The following MLLT10 variants were observed in gnomAD, a reference collection of about 807,000 sequenced individuals.
The protein encoded by MLLT10 is MLLT10 histone lysine methyltransferase DOT1L cofactor, also known as protein AF-10.
In MLLT10, 30 loss-of-function variants were observed where a neutral mutation model predicts 129.1. That is an observed-to-expected ratio of 0.23 (90% CI 0.17 to 0.32). The LOEUF (loss-of-function observed/expected upper bound fraction) is 0.32. Ranked by LOEUF, MLLT10 falls within the 10% of genes least tolerant of loss-of-function variation. The pLI is 1.00. For missense variants in MLLT10, 1,119 were observed against 1,268.3 expected (o/e 0.88, Z 1.79); for synonymous variants, 490 against 446.4 (o/e 1.10, Z -1.23).
At chr10:21,652,615 A>T (rs2049156514) in intron 9 of MLLT10, among the ~76,000 whole-genome samples, 1 of 152,192 alleles carries the variant, frequency 6.6e-6, no homozygotes, top group Admixed American at 6.5e-5. Flanking sequence ...GTAGGAGATG[A>T]GTCTAGGGTG....
intron 3 of MLLT10, among the ~76,000 whole-genome samples, chr10:21,563,790 T>A (rs2039164498): frequency 7.1e-6 from 1 of 141,148 alleles, no homozygotes; most frequent in Non-Finnish European, 1.5e-5. Context: ...TCTCACTGTG[T>A]GTATTATTAT....
intron 13 of MLLT10, among the ~76,000 whole-genome samples, chr10:21,691,192 T>C (rs767802170): frequency 6.6e-6 from 1 of 152,180 alleles, no homozygotes; most frequent in Non-Finnish European, 1.5e-5. Flanking sequence ...TGTATTTCAC[T>C]ACTTTGCAGC....
intron 8 of MLLT10, among the ~76,000 whole-genome samples, chr10:21,635,357 A>G (rs1358641183): frequency 6.6e-6 from 1 of 151,420 alleles, no homozygotes; most frequent in African/African-American, 2.4e-5. Context: ...TTTTAGTTTT[A>G]TTATCTATTT....
rs552944248 is a variant in MLLT10 at position 21,540,166 on chromosome 10, G to A, written c.240+1254G>A. Among the ~76,000 whole-genome samples the A allele has an allele frequency of 8.5e-5, 13 of 152,206 alleles. No individual in the cohort carries two copies. In the East Asian group the frequency reaches 2.1e-3, roughly 25 times the overall value. The stretch of plus-strand genomic sequence containing the variant: ...AGCACTTTGGTAGGCTGAGGTGGGC[G>A]GATCACTTGGGGTCAGGAGTTTGAG... On this transcript the variant is annotated intron_variant, in intron 3 of 22. Transcript: ENST00000307729.
chr10:21,569,978 C>T (rs943882037), intron 3 of MLLT10, among the ~76,000 whole-genome samples: 5 of 152,110 alleles, frequency 3.3e-5, no homozygotes, highest in Non-Finnish European at 5.9e-5. Flanking sequence ...GGCATGATCT[C>T]GGCTCATTGC....
chr10:21,703,974 T>G (rs1470411115), intron 13 of MLLT10, among the ~76,000 whole-genome samples: 1 of 151,502 alleles, frequency 6.6e-6, no homozygotes, highest in Non-Finnish European at 1.5e-5. Context: ...TCTAGTCTAT[T>G]GTTGAAACTT....
intron 3 of MLLT10, chr10:21,564,462 T>A (rs1470551408): frequency 6.6e-6 from 1 of 152,072 alleles, no homozygotes; most frequent in Admixed American, 6.6e-5. Context: ...GTATCTTTTT[T>A]TTTTTTCTTT....
chr10:21,567,217 C>T (rs1375883982), intron 3 of MLLT10, among the ~76,000 whole-genome samples: 1 of 152,184 alleles, frequency 6.6e-6, no homozygotes, highest in East Asian at 1.9e-4. Context: ...AACTAGTGTT[C>T]TCTTACACTT....
chr10:21,733,568 T>C lies in MLLT10; in HGVS notation c.2472T>C (p.Asp824=). ...SPHIGNSFLP[D]NSLPVLNQDL... ...ATATAGGAAACAGCTTTTTACCTGATAATTCTCTTCCTGTATTAAATCAGG... is the reference window on the plus strand; with the variant it reads ...ATATAGGAAACAGCTTTTTACCTGACAATTCTCTTCCTGTATTAAATCAGG... The change falls in exon 19 of 23, where the codon GAT becomes GAC. Residue 824 remains aspartate (D), a synonymous_variant. Coordinates refer to ENST00000307729, the MANE Select transcript of MLLT10 (RefSeq NM_001195626.3). 6.3e-7 allele frequency: 1 copy of C among 1,575,082 alleles called. No homozygotes were observed. The highest frequency in any genetic ancestry group is 8.6e-7 in the Non-Finnish European group (1 of 1,164,582).
In MLLT10 at chr10:21,568,803, A is replaced by G. The variant is rs537932961; in HGVS notation, c.241-17491A>G. ...AGGAGCCTGCTACCATGCCCGGCTA[A>G]TGTTGTATTTTTAGCAGAGACGGGG... On this transcript the variant is annotated intron_variant, in intron 3 of 22. Transcript: ENST00000307729. Among the ~76,000 whole-genome samples, 20 of 152,128 alleles carry G rather than the reference A, an allele frequency of 1.3e-4. No individual in the cohort carries two copies. In the South Asian group the frequency reaches 4.2e-3, roughly 32 times the overall value.
At chr10:21,612,319 T>G in intron 5 of MLLT10, 29 bp from the exon 6 acceptor site, 16 of 1,388,684 alleles carry the variant, frequency 1.2e-5, no homozygotes, top group Non-Finnish European at 1.6e-5. Context: ...ACATGTATGA[T>G]TTTTGTCTTT....
chr10:21,671,152 G>A (rs2051359133), intron 10 of MLLT10: 1 of 159,670 alleles, frequency 6.3e-6, no homozygotes, highest in Admixed American at 6.0e-5. Flanking sequence ...TTGAGTAGCT[G>A]GGATTACAGG....
intron 13 of MLLT10, 117 bp downstream of exon 13, chr10:21,682,374 T>C: frequency 1.1e-6 from 1 of 929,578 alleles, no homozygotes; most frequent in Non-Finnish European, 1.6e-6. Flanking sequence ...AGTGCTGCAG[T>C]GAGTCAATTG....
In MLLT10 at chr10:21,681,316, TC is replaced by T; in HGVS notation, c.1622-14del. 1 of 1,612,306 alleles carries T rather than the reference TC, an allele frequency of 6.2e-7. No individual in the cohort carries two copies. On this transcript the variant is annotated splice_polypyrimidine_tract_variant and intron_variant, in intron 11 of 22. Coordinates refer to ENST00000307729, the MANE Select transcript of MLLT10 (RefSeq NM_001195626.3). ...GCAATTTCTTCACTGATTTCCTTTT[TC>T]CTTCCTCTCAACAGAAATTTCCATG...
intron 3 of MLLT10, among the ~76,000 whole-genome samples, chr10:21,569,160 G>A (rs1175843196): frequency 1.3e-5 from 2 of 152,154 alleles, no homozygotes; most frequent in Admixed American, 1.3e-4. Flanking sequence ...GGTAGTTTGT[G>A]TAGAGTGTTG....
intron 3 of MLLT10, among the ~76,000 whole-genome samples, chr10:21,583,529 A>G (rs2041680940): frequency 2.0e-5 from 3 of 152,302 alleles, no homozygotes; most frequent in Admixed American, 2.0e-4. Context: ...AATATAAAGA[A>G]AAGAGGTTTA....
At chr10:21,707,279 G>A (rs1419486083) in intron 13 of MLLT10, among the ~76,000 whole-genome samples, 2 of 145,388 alleles carry the variant, frequency 1.4e-5, no homozygotes, top group African/African-American at 2.6e-5. Context: ...TGCAAGCTCC[G>A]CCTCCCGGGT....
At chr10:21,641,036 C>T (rs1261188626) in intron 8 of MLLT10, among the ~76,000 whole-genome samples, 1 of 152,098 alleles carries the variant, frequency 6.6e-6, no homozygotes, top group African/African-American at 2.4e-5. Context: ...TATTAAGGAC[C>T]AGGCCTAGAG....
chr10:21,673,450 T>C lies in MLLT10; in HGVS notation c.1152T>C (p.Asn384=), dbSNP rs763858279. The change falls in exon 11 of 23, where the codon AAT becomes AAC. Residue 384 remains asparagine (N), a synonymous_variant. Transcript: ENST00000307729. ...GCTTTACAGACTCAGATCTGCGTAA[T>C]GACAGTTACTCTCACTCCCAACAGT... ...FLSFTDSDLR[N]DSYSHSQQSS... 8.7e-6 allele frequency: 14 copies of C among 1,613,564 alleles called. 2 individuals are homozygous for C. In the Admixed American group the frequency reaches 1.0e-4, roughly 12 times the overall value.
Sources: allele counts gnomAD v4.1 joint callset (sites outside exome capture counted in the v4.1 genomes callset), GRCh38; gene constraint gnomAD v4.1.1; transcripts MANE v1.5; gene names NCBI Gene and HGNC (gene_info 2026-07-23, HGNC 2026-07-21).